CNTNAP2: variants seen among roughly 807,000 people sequenced by gnomAD.
CNTNAP2 encodes contactin-associated protein-like 2.
A neutral mutation model predicts 155.2 loss-of-function variants in CNTNAP2; 98 were observed. That is an observed-to-expected ratio of 0.63 (90% confidence interval 0.54 to 0.75). The LOEUF (loss-of-function observed/expected upper bound fraction) is 0.75, where lower values mean the gene tolerates loss of function less well. CNTNAP2 is among the 30% of genes least tolerant of loss of function. The pLI, the probability that CNTNAP2 is intolerant of heterozygous loss-of-function variation, is 0.00. For missense variants in CNTNAP2, 1,727 were observed against 1,688.1 expected, an observed-to-expected ratio of 1.02 and a Z score of -0.40; for synonymous variants, 651 against 631.2, an observed-to-expected ratio of 1.03 and a Z score of -0.47.
chr7:146,159,496 A>G (rs1798182419), intron 1 of CNTNAP2, among the ~76,000 whole-genome samples: 1 of 152,152 alleles, frequency 6.6e-6, no homozygotes, highest in Non-Finnish European at 1.5e-5. Context: ...CAGGAGACCC[A>G]CCTCACATGC....
At chr7:147,349,407 T>A (rs1024517873) in intron 9 of CNTNAP2, among the ~76,000 whole-genome samples, 9 of 151,990 alleles carry the variant, frequency 5.9e-5, no homozygotes, top group African/African-American at 2.2e-4. Context: ...AATATACTTT[T>A]CATAAGTTAA....
chr7:147,301,346 C>A (rs1794942240), intron 9 of CNTNAP2, among the ~76,000 whole-genome samples: 1 of 152,056 alleles, frequency 6.6e-6, no homozygotes, highest in Non-Finnish European at 1.5e-5. Flanking sequence ...ATTATGAGGA[C>A]ATATTTTATT....
intron 13 of CNTNAP2, among the ~76,000 whole-genome samples, chr7:147,832,952 A>G (rs924599783): frequency 2.7e-5 from 4 of 150,436 alleles, no homozygotes; most frequent in Non-Finnish European, 4.4e-5. Flanking sequence ...TCTACATGAA[A>G]GGAAGTTTCA....
At chr7:146,186,274 C>A (rs1465216614) in intron 1 of CNTNAP2, among the ~76,000 whole-genome samples, 1 of 152,056 alleles carries the variant, frequency 6.6e-6, no homozygotes, top group Non-Finnish European at 1.5e-5. Context: ...TTTATCTTAC[C>A]TTTACCTTCA....
intron 1 of CNTNAP2, among the ~76,000 whole-genome samples, chr7:146,560,397 GTA>G (rs1464993471): frequency 6.6e-6 from 1 of 151,844 alleles, no homozygotes; most frequent in Non-Finnish European, 1.5e-5. Context: ...ATATGTATGT[GTA>G]TATGTGTGTG....
intron 13 of CNTNAP2, among the ~76,000 whole-genome samples, chr7:147,810,203 G>A (rs1246154894): frequency 1.3e-5 from 2 of 150,376 alleles, no homozygotes; most frequent in African/African-American, 2.4e-5. Flanking sequence ...CTATATAATT[G>A]ATATATATCA....
At chr7:146,272,364 G>C (rs1359158713) in intron 1 of CNTNAP2, among the ~76,000 whole-genome samples, 1 of 152,032 alleles carries the variant, frequency 6.6e-6, no homozygotes, top group Non-Finnish European at 1.5e-5. Flanking sequence ...GGGATTATGG[G>C]AACTACAACT....
In CNTNAP2 at chr7:147,743,431, G is replaced by A. The variant is rs545694673; in HGVS notation, c.2098+104125G>A. On this transcript the variant is annotated intron_variant, in intron 13 of 23. Coordinates refer to ENST00000361727, the MANE Select transcript of CNTNAP2 (RefSeq NM_014141.6). ...GGGATTAGGTGAGGCTGTAAAACCGGATGCCCCAAAGCAAATTTGCTTTGT... is the reference window on the plus strand; with the variant it reads ...GGGATTAGGTGAGGCTGTAAAACCGAATGCCCCAAAGCAAATTTGCTTTGT... Among the ~76,000 whole-genome samples the A allele has an allele frequency of 3.7e-3, 561 of 152,190 alleles. 4 individuals are homozygous for A. Among genetic ancestry groups the A allele is most frequent in the Non-Finnish European group, 4.9e-3 (333 of 68,004 alleles).
chr7:148,382,753 T>G (rs1799095693), intron 21 of CNTNAP2, among the ~76,000 whole-genome samples: 2 of 152,226 alleles, frequency 1.3e-5, no homozygotes, highest in Admixed American at 1.3e-4. Flanking sequence ...GGAATTATCT[T>G]TCTCACACAG....
intron 15 of CNTNAP2, among the ~76,000 whole-genome samples, chr7:148,050,880 C>T (rs1446514671): frequency 6.6e-6 from 1 of 152,138 alleles, no homozygotes; most frequent in Non-Finnish European, 1.5e-5. Context: ...ACATGCTGTA[C>T]AGATTTGTAG....
chr7:146,578,244 T>C (rs1584990318), intron 1 of CNTNAP2, among the ~76,000 whole-genome samples: 2 of 152,120 alleles, frequency 1.3e-5, no homozygotes, highest in South Asian at 2.1e-4. Flanking sequence ...TTGAGTGAGA[T>C]GGTAGTTTTG....
intron 1 of CNTNAP2, among the ~76,000 whole-genome samples, chr7:146,582,381 A>C (rs920186524): frequency 4.6e-5 from 7 of 152,164 alleles, no homozygotes; most frequent in African/African-American, 1.4e-4. Context: ...TAGAGGTTAT[A>C]TCATCATTTA....
In CNTNAP2 at chr7:147,086,352, T is replaced by A. The variant is rs535826814; in HGVS notation, c.551-21795T>A. On this transcript the variant is annotated intron_variant, in intron 4 of 23. Transcript: ENST00000361727. ...GTATAAAAATAGCAACATTTAAAAT[T>A]TTTATCTATGCTCTTTTTGATACAT... Among the ~76,000 whole-genome samples, 6 of 152,188 alleles carry A rather than the reference T, an allele frequency of 3.9e-5. No homozygotes were observed. The South Asian group carries it at 1.2e-3, about 32-fold the overall frequency.
intron 15 of CNTNAP2, among the ~76,000 whole-genome samples, chr7:148,035,350 A>C (rs2527067): frequency 0.015 from 2,249 of 152,226 alleles, 48 homozygotes; most frequent in African/African-American, 0.052. Flanking sequence ...CCAGAGCTCT[A>C]GGAGGGCAGA....
chr7:147,316,379 T>C (rs1391483651), intron 9 of CNTNAP2, among the ~76,000 whole-genome samples: 1 of 151,998 alleles, frequency 6.6e-6, no homozygotes, highest in Non-Finnish European at 1.5e-5. Flanking sequence ...AAAGAAAGCA[T>C]CAGAAAAATA....
At chr7:146,680,986 T>C (rs1457577049) in intron 1 of CNTNAP2, among the ~76,000 whole-genome samples, 1 of 152,140 alleles carries the variant, frequency 6.6e-6, no homozygotes, top group African/African-American at 2.4e-5. Flanking sequence ...AAAAAAAGGT[T>C]AATCAAAGTT....
intron 9 of CNTNAP2, among the ~76,000 whole-genome samples, chr7:147,354,798 C>G (rs1232181460): frequency 2.6e-5 from 4 of 151,982 alleles, no homozygotes; most frequent in African/African-American, 9.7e-5. Context: ...TGTTTGTTTC[C>G]TCTCTTATTT....
intron 1 of CNTNAP2, among the ~76,000 whole-genome samples, chr7:146,649,742 T>G (rs1259306297): frequency 3.9e-5 from 6 of 152,188 alleles, no homozygotes; most frequent in African/African-American, 1.4e-4. Flanking sequence ...TAATCTTTAT[T>G]CTGGGCTATT....
rs543892871 is a variant in CNTNAP2, at chr7:148,152,324, G to A, written c.2773+4615G>A. On this transcript the variant is annotated intron_variant, in intron 17 of 23. Coordinates refer to ENST00000361727, the MANE Select transcript of CNTNAP2 (RefSeq NM_014141.6). ...GGGAATGGGTGTTGCTGATTGGTTG[G>A]AGATGGAATCATAGGGGTGTGGAAA... 9.2e-5 allele frequency among the ~76,000 whole-genome samples: 14 copies of A among 152,072 alleles called. No homozygotes were observed. The South Asian group carries it at 2.9e-3, about 32-fold the overall frequency.
Sources: gnomAD v4.1 joint callset for allele counts (sites outside exome capture counted in the v4.1 genomes callset) on GRCh38, gnomAD v4.1.1 for gene constraint, MANE v1.5 for transcripts, NCBI Gene and HGNC (gene_info 2026-07-23, HGNC 2026-07-21) for gene names.